The following RMP24 variants were observed in gnomAD, a reference collection of about 807,000 sequenced individuals.
RMP24 encodes the protein ribonuclease MRP protein subunit p24.
At chr18:35,972,698 C>T in the RMP24 span, 3 of 1,586,140 alleles carry the variant, frequency 1.9e-6, no homozygotes, top group Non-Finnish European at 2.6e-6. Flanking sequence ...CACCTGGTTC[C>T]CGCGGCGAGC....
the RMP24 span, among the ~76,000 whole-genome samples, chr18:35,977,070 A>T: frequency 2.0e-5 from 3 of 152,156 alleles, no homozygotes; most frequent in Admixed American, 1.3e-4. Context: ...TACTAAAAAT[A>T]CAGAATTAGC....
the RMP24 span, among the ~76,000 whole-genome samples, chr18:35,976,696 A>T: frequency 6.6e-6 from 1 of 152,198 alleles, no homozygotes; most frequent in Non-Finnish European, 1.5e-5. Flanking sequence ...TTCCAGTGAT[A>T]CTGTGCCATG....
At chr18:35,972,778 G>T in the RMP24 span, 1 of 1,614,040 alleles carries the variant, frequency 6.2e-7, no homozygotes. Flanking sequence ...CTGCACGACA[G>T]CTGCCCGGGC....
At chr18:35,973,392 T>A in the RMP24 span, 1 of 161,898 alleles carries the variant, frequency 6.2e-6, no homozygotes, top group Non-Finnish European at 1.4e-5. Context: ...GACTCATATA[T>A]CCGAATGTCT....
At chr18:35,975,013 T>G in the RMP24 span, 1 of 1,614,154 alleles carries the variant, frequency 6.2e-7, no homozygotes, top group Non-Finnish European at 8.5e-7. Flanking sequence ...CAGAAACTTC[T>G]TAATCGAGAA....
the RMP24 span, chr18:35,977,479 T>C: frequency 5.6e-5 from 91 of 1,614,178 alleles, no homozygotes; most frequent in East Asian, 1.9e-3. Flanking sequence ...TGTGTCAACA[T>C]TGAAGAGCAA....
At chr18:35,972,812 G>A in the RMP24 span, 1 of 1,614,190 alleles carries the variant, frequency 6.2e-7, no homozygotes, top group Non-Finnish European at 8.5e-7. Context: ...TCCTGTAAGA[G>A]GACTGGAGGG....
At chr18:35,973,012 A>AAAC in the RMP24 span, 985 of 1,444,010 alleles carry the variant, frequency 6.8e-4, 11 homozygotes, top group African/African-American at 0.013. Context: ...CCCTCCATAA[A>AAAC]AACAACAACA....
At chr18:35,973,368 T>C in the RMP24 span, 1 of 173,716 alleles carries the variant, frequency 5.8e-6, no homozygotes. Context: ...CGCAGACCTC[T>C]CCTCTGAATT....
At chr18:35,972,683 T>A in the RMP24 span, 4 of 1,564,740 alleles carry the variant, frequency 2.6e-6, no homozygotes, top group Non-Finnish European at 3.5e-6. Flanking sequence ...GGCGCCCTAT[T>A]TTCTCACCTG....
At chr18:35,972,721 C>T in the RMP24 span, 11 of 1,604,100 alleles carry the variant, frequency 6.9e-6, no homozygotes, top group Middle Eastern at 3.6e-4. Flanking sequence ...GCGGCAGCGG[C>T]GGCGGCGATG....
the RMP24 span, among the ~76,000 whole-genome samples, chr18:35,975,440 T>C: frequency 2.0e-5 from 3 of 152,248 alleles, no homozygotes; most frequent in Non-Finnish European, 4.4e-5. Flanking sequence ...TAATGCTCCT[T>C]TGCTTCAGAT....
the RMP24 span, among the ~76,000 whole-genome samples, chr18:35,975,656 G>C: frequency 6.6e-6 from 1 of 152,152 alleles, no homozygotes; most frequent in South Asian, 2.1e-4. Flanking sequence ...ATTACGTACG[G>C]TTTACTATAT....
the RMP24 span, among the ~76,000 whole-genome samples, chr18:35,978,477 G>A: frequency 3.5e-3 from 537 of 152,332 alleles, 1 homozygote; most frequent in Non-Finnish European, 4.8e-3. Context: ...CAGGCGTAGC[G>A]GCGTGCGCCT....
the RMP24 span, among the ~76,000 whole-genome samples, chr18:35,976,628 A>T: frequency 2.0e-5 from 3 of 152,188 alleles, no homozygotes; most frequent in Non-Finnish European, 2.9e-5. Context: ...TTGGTTGTAT[A>T]AGTTACTTTA....
At chr18:35,976,866 TC>T in the RMP24 span, among the ~76,000 whole-genome samples, 2 of 152,244 alleles carry the variant, frequency 1.3e-5, no homozygotes, top group Non-Finnish European at 2.9e-5. Context: ...GAGTTCATTA[TC>T]TTTGAAAACC....
chr18:35,978,057 T>C, the RMP24 span, among the ~76,000 whole-genome samples: 3 of 152,360 alleles, frequency 2.0e-5, no homozygotes, highest in Admixed American at 6.5e-5. Flanking sequence ...TTCATCTTTT[T>C]GCTCCTTTTT....
chr18:35,974,927 A>G, the RMP24 span: 3 of 1,614,212 alleles, frequency 1.9e-6, no homozygotes, highest in Non-Finnish European at 1.7e-6. Flanking sequence ...AAACGTGTCC[A>G]TACTGTTTCC....
the RMP24 span, chr18:35,979,094 C>T: frequency 7.7e-7 from 1 of 1,305,372 alleles, no homozygotes; most frequent in East Asian, 2.4e-5. Flanking sequence ...GAAACTAGAT[C>T]TGAATGCAAA....
Sources: allele counts gnomAD v4.1 joint callset (sites outside exome capture counted in the v4.1 genomes callset), GRCh38; gene constraint gnomAD v4.1.1; transcripts MANE v1.5; gene names NCBI Gene and HGNC (gene_info 2026-07-23, HGNC 2026-07-21).